The following FRMPD4 variants were observed in gnomAD, a reference collection of about 807,000 sequenced individuals.
The protein encoded by FRMPD4 is FERM and PDZ domain containing 4.
A neutral mutation model predicts 94.1 loss-of-function variants in FRMPD4; 22 were observed. The ratio of observed to expected loss-of-function variants is 0.23; its 90% CI spans 0.17 to 0.33. The LOEUF (loss-of-function observed/expected upper bound fraction) is 0.33, where lower values mean the gene tolerates loss of function less well. FRMPD4 is among the 10% of genes least tolerant of loss of function. The pLI is 1.00. For missense variants in FRMPD4, 1,111 were observed against 1,339.9 expected, an observed-to-expected ratio of 0.83 and a Z score of 2.67; for synonymous variants, 631 against 548.6, an observed-to-expected ratio of 1.15 and a Z score of -2.10.
intron 1 of FRMPD4, among the ~76,000 whole-genome samples, chrX:12,183,122 C>CTATA (rs1555930550): frequency 9.1e-5 from 10 of 110,121 alleles, no homozygotes; most frequent in South Asian, 3.8e-4. Context: ...ATCTATCTAT[C>CTATA]TATATATATA....
intron 1 of FRMPD4, among the ~76,000 whole-genome samples, chrX:12,290,325 T>C (rs181680593): frequency 8.9e-6 from 1 of 112,427 alleles, no homozygotes; most frequent in Non-Finnish European, 1.9e-5. Context: ...AAAGGTAAAA[T>C]AAATAAGTCA....
intron 14 of FRMPD4, among the ~76,000 whole-genome samples, chrX:12,710,798 C>T (rs2041971662): frequency 9.1e-6 from 1 of 110,495 alleles, no homozygotes; most frequent in African/African-American, 3.3e-5. Flanking sequence ...CTCAGCTATT[C>T]GGGAGGCTGA....
At chrX:12,697,354 C>T (rs2060143355) in intron 9 of FRMPD4, among the ~76,000 whole-genome samples, 1 of 112,051 alleles carries the variant, frequency 8.9e-6, no homozygotes, top group African/African-American at 3.2e-5. Flanking sequence ...GCTACTGCAG[C>T]TCAGATCATG....
chrX:11,909,550 A>G lies in FRMPD4; in HGVS notation c.95+31532A>G, dbSNP rs371509344. Among the ~76,000 whole-genome samples the G allele has an allele frequency of 3.3e-4, 35 of 105,331 alleles. 1 individual carries two copies. Among genetic ancestry groups the G allele is most frequent in the East Asian group, 1.2e-3 (4 of 3,334 alleles). 91.5% of individuals were successfully genotyped at this position (105,331 alleles called of 115,157 possible). A position where few individuals can be genotyped will look rare whatever the true frequency, so the allele number is the denominator to read the frequency against. On this transcript the variant is annotated intron_variant, in intron 3 of 18. Coordinates refer to the FRMPD4 transcript ENST00000640291. ...TTTCATTGATTTTTGCTCTTTATTCATTTTTTTTCCTTCTGCTTGCTTTAG... is the reference window on the plus strand; with the variant it reads ...TTTCATTGATTTTTGCTCTTTATTCGTTTTTTTTCCTTCTGCTTGCTTTAG...
Position 11,976,664 on chromosome X carries a change from T to C in FRMPD4, c.95+98646T>C, listed in dbSNP as rs145226037. 2.5e-4 allele frequency among the ~76,000 whole-genome samples: 28 copies of C among 112,628 alleles called. No individual in the cohort carries two copies. The East Asian group carries it at 5.3e-3, about 21-fold the overall frequency. On this transcript the variant is annotated intron_variant, in intron 3 of 18. Coordinates refer to the FRMPD4 transcript ENST00000640291. ...CAGTTGATCAATTATAATGCAATTCTTCAGATCACACACTTTTGTTTTGTT... is the reference window on the plus strand; with the variant it reads ...CAGTTGATCAATTATAATGCAATTCCTCAGATCACACACTTTTGTTTTGTT...
intron 1 of FRMPD4, among the ~76,000 whole-genome samples, chrX:12,422,726 G>A (rs1223649337): frequency 9.1e-5 from 10 of 110,383 alleles, no homozygotes; most frequent in Non-Finnish European, 1.9e-4. Context: ...TTATAAAAGT[G>A]GGAAATAGTT....
At chrX:12,091,662 G>T (rs2055154705) in intron 3 of FRMPD4, among the ~76,000 whole-genome samples, 1 of 111,407 alleles carries the variant, frequency 9.0e-6, no homozygotes, top group African/African-American at 3.3e-5. Context: ...ATCTCCCAGG[G>T]GCCTTTGGTA....
intron 4 of FRMPD4, among the ~76,000 whole-genome samples, chrX:12,630,970 CCTT>C (rs759298842): frequency 2.7e-5 from 3 of 111,711 alleles, no homozygotes; most frequent in Non-Finnish European, 5.6e-5. Flanking sequence ...ACAGCCCAGA[CCTT>C]CTTCATTTTA....
chrX:12,060,295 A>G (rs1454869672), intron 3 of FRMPD4, among the ~76,000 whole-genome samples: 1 of 105,660 alleles, frequency 9.5e-6, no homozygotes, highest in Non-Finnish European at 1.9e-5. Context: ...ATATTTTAAT[A>G]ATAGCTATTC....
intron 1 of FRMPD4, among the ~76,000 whole-genome samples, chrX:12,245,226 G>A (rs2053938077): frequency 8.9e-6 from 1 of 111,776 alleles, no homozygotes; most frequent in Non-Finnish European, 1.9e-5. Flanking sequence ...GTAGTTGCCT[G>A]GTTGAATCGC....
chrX:12,104,132 A>T (rs1417581760), intron 3 of FRMPD4, among the ~76,000 whole-genome samples: 1 of 112,350 alleles, frequency 8.9e-6, no homozygotes, highest in Non-Finnish European at 1.9e-5. Context: ...CGTCATAACT[A>T]ACATGCTCCT....
At chrX:12,096,741 G>C (rs951863554) in intron 3 of FRMPD4, among the ~76,000 whole-genome samples, 8 of 111,125 alleles carry the variant, frequency 7.2e-5, no homozygotes, top group African/African-American at 1.3e-4. Context: ...TTAACAATTA[G>C]CTGGACATGG....
rs756459156 is a variant in FRMPD4, at chrX:12,513,658, C to T, written c.158+14862C>T. ...TTTGAAGTCTGGTAGAGTGATGCCTCAAGCTTTGTTCTTTTTGCTTAGGAT... is the reference window on the plus strand; with the variant it reads ...TTTGAAGTCTGGTAGAGTGATGCCTTAAGCTTTGTTCTTTTTGCTTAGGAT... On this transcript the variant is annotated intron_variant, in intron 2 of 16. Transcript: ENST00000675598. Among the ~76,000 whole-genome samples the T allele has an allele frequency of 1.8e-4, 20 of 112,217 alleles. No individual in the cohort carries two copies. The South Asian group carries it at 4.8e-3, about 27-fold the overall frequency.
At chrX:12,579,178 T>C (rs1008279327) in intron 2 of FRMPD4, among the ~76,000 whole-genome samples, 4 of 112,472 alleles carry the variant, frequency 3.6e-5, no homozygotes, top group African/African-American at 6.5e-5. Flanking sequence ...CTGTAATATA[T>C]AAAATGTTGC....
chrX:12,642,150 G>A (rs1347742275), intron 4 of FRMPD4, among the ~76,000 whole-genome samples: 1 of 111,727 alleles, frequency 9.0e-6, no homozygotes, highest in Non-Finnish European at 1.9e-5. Context: ...CTGATTATGG[G>A]ATGGCAAACA....
At chrX:12,368,574 G>A (rs1158396709) in intron 1 of FRMPD4, among the ~76,000 whole-genome samples, 2 of 108,229 alleles carry the variant, frequency 1.8e-5, no homozygotes, top group East Asian at 5.8e-4. Context: ...ATTTAAACAT[G>A]ACCTATTATC....
At chrX:12,046,224 G>A (rs1162895395) in intron 3 of FRMPD4, among the ~76,000 whole-genome samples, 1 of 110,917 alleles carries the variant, frequency 9.0e-6, no homozygotes, top group African/African-American at 3.3e-5. Flanking sequence ...TCAAATATTA[G>A]TATCATCTGG....
intron 2 of FRMPD4, among the ~76,000 whole-genome samples, chrX:12,520,784 T>C (rs1218575319): frequency 8.9e-6 from 1 of 112,058 alleles, no homozygotes; most frequent in African/African-American, 3.2e-5. Flanking sequence ...CACCCAAAAC[T>C]GAACCAGTTA....
At chrX:12,614,745 C>T in intron 3 of FRMPD4, 34 bp from the exon 4 acceptor site, 1 of 759,921 alleles carries the variant, frequency 1.3e-6, no homozygotes, top group Non-Finnish European at 2.0e-6. Context: ...TGCTAATGGT[C>T]TTCTCACCTG....
Sources: allele counts gnomAD v4.1 joint callset (sites outside exome capture counted in the v4.1 genomes callset), GRCh38; gene constraint gnomAD v4.1.1; transcripts MANE v1.5; gene names NCBI Gene and HGNC (gene_info 2026-07-23, HGNC 2026-07-21).